The following ZFP90 variants were observed in gnomAD, a reference collection of about 807,000 sequenced individuals.
The protein encoded by ZFP90 is ZFP90 zinc finger protein.
In ZFP90, 38 loss-of-function variants were observed where a neutral mutation model predicts 60.8. That is an observed-to-expected ratio of 0.62 (90% CI 0.48 to 0.82). ZFP90 has a LOEUF of 0.82. Ranked by LOEUF, ZFP90 falls within the 40% of genes least tolerant of loss-of-function variation. The pLI is 0.00. For synonymous variants in ZFP90, 287 were observed against 264.8 expected (o/e 1.08, Z -0.82); for missense variants, 711 against 759.1 (o/e 0.94, Z 0.74).
upstream of ZFP90, among the ~76,000 whole-genome samples, chr16:68,536,420 C>T (rs1199891455): frequency 6.6e-6 from 1 of 152,200 alleles, no homozygotes. Context: ...GATTCTCCCA[C>T]CTCAGCCTCC....
At chr16:68,560,307 C>T (rs1433343552) in intron 4 of ZFP90, among the ~76,000 whole-genome samples, 2 of 152,164 alleles carry the variant, frequency 1.3e-5, no homozygotes, top group African/African-American at 4.8e-5. Flanking sequence ...CTCTCAGTAC[C>T]TGGTAACCAT....
At position 68,565,107 on chromosome 16, in the gene ZFP90, C is replaced by T. The variant is rs917964096; in HGVS notation, c.*409C>T. ...CAACTGCACTCAACTGCAGCTCTTACATTAACTTCACCATGGAAACCAGTT... is the reference window on the plus strand; with the variant it reads ...CAACTGCACTCAACTGCAGCTCTTATATTAACTTCACCATGGAAACCAGTT... On this transcript the variant is annotated 3_prime_UTR_variant, in exon 5 of 5. Coordinates refer to ENST00000563169, the MANE Select transcript of ZFP90 (RefSeq NM_001305203.2). 5 of 994,760 alleles carry T rather than the reference C, an allele frequency of 5.0e-6. No homozygotes were observed. Among genetic ancestry groups the T allele is most frequent in the African/African-American group, 1.7e-5 (1 of 57,318 alleles). The allele number at this position is 994,760 out of a possible 1,614,324, so 61.6% of individuals were successfully genotyped here.
chr16:68,554,231 C>T (rs1238824496), intron 2 of ZFP90, among the ~76,000 whole-genome samples: 1 of 151,652 alleles, frequency 6.6e-6, no homozygotes, highest in Non-Finnish European at 1.5e-5. Context: ...AAGTGATTCT[C>T]CTGCCTCATC....
At chr16:68,557,307 G>A (rs752043129) in intron 2 of ZFP90, 27 of 454,630 alleles carry the variant, frequency 5.9e-5, no homozygotes, top group African/African-American at 3.2e-4. Flanking sequence ...AACCACCCGC[G>A]TGCCCTGTCG....
At chr16:68,568,270 A>G (rs2091549208), downstream of ZFP90, among the ~76,000 whole-genome samples, 1 of 152,214 alleles carries the variant, frequency 6.6e-6, no homozygotes, top group Non-Finnish European at 1.5e-5. Flanking sequence ...TAAGTGAGCA[A>G]TTGAGTGGAG....
chr16:68,571,866 T>C (rs202043766), downstream of ZFP90, among the ~76,000 whole-genome samples: 3 of 152,172 alleles, frequency 2.0e-5, no homozygotes, highest in Non-Finnish European at 4.4e-5. Flanking sequence ...GAAATGCCTT[T>C]TGAGGCACCA....
intron 2 of ZFP90, among the ~76,000 whole-genome samples, chr16:68,553,525 T>C (rs2091293497): frequency 6.6e-6 from 1 of 152,198 alleles, no homozygotes; most frequent in Non-Finnish European, 1.5e-5. Flanking sequence ...GTGAAGTGCC[T>C]ATAGGCGGCC....
At position 68,561,055 on chromosome 16, in the gene ZFP90, C is replaced by T. The variant is rs149967605; in HGVS notation, c.257-1989C>T. Reference sequence around the variant, plus strand: ...GACTACAGGCACACGCCACCATGCCCGGCTAATTTTTTGTATTTTAATAGA... The same window carrying T: ...GACTACAGGCACACGCCACCATGCCTGGCTAATTTTTTGTATTTTAATAGA... On this transcript the variant is annotated intron_variant, in intron 4 of 4. Coordinates refer to ENST00000563169, the MANE Select transcript of ZFP90 (RefSeq NM_001305203.2). Among the ~76,000 whole-genome samples the T allele has an allele frequency of 1.1e-3, 161 of 152,024 alleles. 1 individual carries two copies. The highest frequency in any genetic ancestry group is 3.6e-3 in the African/African-American group (148 of 41,444).
chr16:68,539,737 G>A, intron 1 of ZFP90, 21 bp from the exon 2 acceptor site: 1 of 1,527,132 alleles, frequency 6.5e-7, no homozygotes, highest in Non-Finnish European at 8.8e-7. Context: ...GGGGTGAGTG[G>A]GCCCTGTCCT....
At position 68,539,434 on chromosome 16, in the gene ZFP90, G is replaced by T; in HGVS notation, c.-81G>T. On this transcript the variant is annotated 5_prime_UTR_variant, in exon 1 of 5. Transcript: ENST00000563169. ...AGGAGCTGCCCGAGGCTCTGGGTGG[G>T]CCGGAGGTCGCGAAATCCGGAGCCC... is the stretch of plus-strand genomic sequence containing the variant. 2.9e-6 allele frequency: 1 copy of T among 346,168 alleles called. No individual in the cohort carries two copies. Among genetic ancestry groups the T allele is most frequent in the South Asian group, 9.7e-5 (1 of 10,298 alleles). The allele number at this position is 346,168 out of a possible 1,614,324, so 21.4% of individuals were successfully genotyped here.
chr16:68,548,474 C>CTTTTTTTTTTTTTTTTTTTTTTT (rs551779570), intron 2 of ZFP90, among the ~76,000 whole-genome samples: 2 of 81,046 alleles, frequency 2.5e-5, no homozygotes, highest in Non-Finnish European at 4.2e-5. Flanking sequence ...GTTTATCCTC[C>CTTTTTTTTTTTTTTTTTTTTTTT]TTTTTTTTTT....
chr16:68,566,564 C>T lies in ZFP90; in HGVS notation c.*1866C>T. 1.0e-6 allele frequency: 1 copy of T among 985,560 alleles called. No individual in the cohort carries two copies. The highest frequency in any genetic ancestry group is 1.2e-6 in the Non-Finnish European group (1 of 829,936). 61.1% of individuals were successfully genotyped at this position (985,560 alleles called of 1,614,324 possible). A position where few individuals can be genotyped will look rare whatever the true frequency, so the allele number is the denominator to read the frequency against. ...ATGTGTAGCTCAATTAGTCTCTCCT[C>T]TGTGATGCAAAATGGAATATTCAAT... On this transcript the variant is annotated 3_prime_UTR_variant, in exon 5 of 5. Coordinates refer to ENST00000563169, the MANE Select transcript of ZFP90 (RefSeq NM_001305203.2).
At chr16:68,576,390 A>G (rs558543375), downstream of ZFP90, among the ~76,000 whole-genome samples, 1 of 152,350 alleles carries the variant, frequency 6.6e-6, no homozygotes, top group East Asian at 1.9e-4. Flanking sequence ...AATGCAAACA[A>G]TAGGCTAACC....
Position 68,564,296 on chromosome 16 carries a change from G to C in ZFP90, c.1509G>C (p.Gly503=). The C allele has an allele frequency of 1.9e-6, 3 of 1,614,102 alleles. No individual in the cohort carries two copies. Among genetic ancestry groups the C allele is most frequent in the Non-Finnish European group, 2.5e-6 (3 of 1,180,018 alleles). The part of the protein sequence containing the change: ...GEKPYQCNVC[G]KAFKRSTSFI... Reference sequence around the variant, plus strand: ...AACCCTATCAATGTAATGTATGTGGGAAAGCTTTCAAAAGGAGTACAAGTT... The same window carrying C: ...AACCCTATCAATGTAATGTATGTGGCAAAGCTTTCAAAAGGAGTACAAGTT... The change falls in exon 5 of 5, where the codon GGG becomes GGC. Residue 503 remains glycine (G), a synonymous_variant. Coordinates refer to ENST00000563169, the MANE Select transcript of ZFP90 (RefSeq NM_001305203.2).
At chr16:68,552,844 CCA>C (rs2152066397) in intron 2 of ZFP90, among the ~76,000 whole-genome samples, 1 of 152,150 alleles carries the variant, frequency 6.6e-6, no homozygotes, top group Non-Finnish European at 1.5e-5. Context: ...CTGCTTGAGC[CCA>C]TAAGTTCATA....
upstream of ZFP90, among the ~76,000 whole-genome samples, chr16:68,536,621 G>A (rs563291711): frequency 3.9e-5 from 6 of 152,180 alleles, no homozygotes; most frequent in East Asian, 5.8e-4. Flanking sequence ...TTTCTTTCCC[G>A]TCATACTCTT....
chr16:68,534,353 C>T (rs369563036), upstream of ZFP90, among the ~76,000 whole-genome samples: 12 of 150,780 alleles, frequency 8.0e-5, no homozygotes, highest in South Asian at 8.4e-4. Context: ...CTCAGCCTCC[C>T]GAGTAGCTGG....
intron 2 of ZFP90, among the ~76,000 whole-genome samples, chr16:68,552,725 G>A (rs1822346132): frequency 1.3e-5 from 2 of 152,136 alleles, no homozygotes; most frequent in African/African-American, 4.8e-5. Context: ...AGCTCACACT[G>A]AGGAATCTAA....
upstream of ZFP90, among the ~76,000 whole-genome samples, chr16:68,535,302 G>A (rs977718767): frequency 2.0e-5 from 3 of 152,142 alleles, no homozygotes; most frequent in Admixed American, 6.5e-5. Flanking sequence ...ACAAATTCTC[G>A]GGAAAGATAT....
Sources: allele counts gnomAD v4.1 joint callset (sites outside exome capture counted in the v4.1 genomes callset), GRCh38; gene constraint gnomAD v4.1.1; transcripts MANE v1.5; gene names NCBI Gene and HGNC (gene_info 2026-07-23, HGNC 2026-07-21).